FSTL5: variants seen among roughly 807,000 people sequenced by gnomAD.
FSTL5 encodes the protein follistatin like 5, also known as follistatin-related protein 5.
A neutral mutation model predicts 89.1 loss-of-function variants in FSTL5; 62 were observed. That is an observed-to-expected ratio of 0.70 (90% CI 0.57 to 0.86). FSTL5 has a LOEUF of 0.86. Among genes scored for constraint, FSTL5 ranks in the 40% least tolerant of loss-of-function variants. FSTL5 has a pLI of 0.00. For missense variants in FSTL5, 1,057 were observed against 1,001.6 expected (o/e 1.06, Z -0.75); for synonymous variants, 383 against 346.2 (o/e 1.11, Z -1.18).
At chr4:161,389,720 G>A (rs1444276502) in intron 15 of FSTL5, among the ~76,000 whole-genome samples, 1 of 152,084 alleles carries the variant, frequency 6.6e-6, no homozygotes, top group East Asian at 1.9e-4. Flanking sequence ...ACCTTGCTCT[G>A]AGGATGACAG....
intron 6 of FSTL5, among the ~76,000 whole-genome samples, chr4:161,714,846 T>G (rs1031317474): frequency 6.6e-6 from 1 of 152,154 alleles, no homozygotes; most frequent in Admixed American, 6.5e-5. Flanking sequence ...CATAAAAGCC[T>G]GGGGTTATTT....
intron 8 of FSTL5, among the ~76,000 whole-genome samples, chr4:161,547,349 A>G (rs1732042259): frequency 6.6e-6 from 1 of 151,926 alleles, no homozygotes; most frequent in South Asian, 2.1e-4. Flanking sequence ...TGATTTTCCT[A>G]TTATCTCAAA....
At chr4:162,069,033 G>T (rs1330989648) in intron 2 of FSTL5, among the ~76,000 whole-genome samples, 1 of 152,008 alleles carries the variant, frequency 6.6e-6, no homozygotes, top group Non-Finnish European at 1.5e-5. Flanking sequence ...TTATTAAAAG[G>T]TCAAGAAACA....
intron 2 of FSTL5, among the ~76,000 whole-genome samples, chr4:162,076,388 A>G (rs1235370177): frequency 1.3e-5 from 2 of 151,898 alleles, no homozygotes; most frequent in Non-Finnish European, 2.9e-5. Flanking sequence ...TACTATTTAC[A>G]TCTGGGGTAG....
chr4:161,461,231 C>T (rs1733560988), intron 13 of FSTL5, among the ~76,000 whole-genome samples: 1 of 145,000 alleles, frequency 6.9e-6, no homozygotes, highest in Non-Finnish European at 1.5e-5. Context: ...CTGAGGCAGG[C>T]GGATCAGGAG....
At chr4:161,646,877 T>C (rs1484327646) in intron 7 of FSTL5, among the ~76,000 whole-genome samples, 2 of 152,180 alleles carry the variant, frequency 1.3e-5, no homozygotes, top group African/African-American at 4.8e-5. Flanking sequence ...AATTGAGTTG[T>C]ATGAGTTCTT....
intron 4 of FSTL5, among the ~76,000 whole-genome samples, chr4:161,882,667 C>T (rs947060769): frequency 6.6e-6 from 1 of 151,978 alleles, no homozygotes; most frequent in Non-Finnish European, 1.5e-5. Flanking sequence ...GAGTATGTTC[C>T]ATTTAAATGG....
intron 2 of FSTL5, among the ~76,000 whole-genome samples, chr4:162,059,541 T>C (rs1009808777): frequency 2.6e-5 from 4 of 152,168 alleles, no homozygotes; most frequent in Non-Finnish European, 5.9e-5. Flanking sequence ...CTATGTAATA[T>C]CATCAGTATC....
At chr4:161,993,721 A>C (rs1394763823) in intron 3 of FSTL5, among the ~76,000 whole-genome samples, 4 of 152,132 alleles carry the variant, frequency 2.6e-5, no homozygotes, top group African/African-American at 9.6e-5. Context: ...TGTTGTGTAG[A>C]TTTGGGGGAG....
chr4:161,939,836 C>T (rs185054221), intron 3 of FSTL5, among the ~76,000 whole-genome samples: 6 of 151,976 alleles, frequency 3.9e-5, no homozygotes, highest in African/African-American at 1.2e-4. Flanking sequence ...GCCTATCTTA[C>T]CACGGAAACA....
At chr4:161,796,986 C>T (rs1346861036) in intron 4 of FSTL5, among the ~76,000 whole-genome samples, 1 of 151,524 alleles carries the variant, frequency 6.6e-6, no homozygotes, top group African/African-American at 2.4e-5. Flanking sequence ...TCTTTTATAC[C>T]TCATCTGATT....
At chr4:161,650,818 C>T (rs112202995) in intron 7 of FSTL5, among the ~76,000 whole-genome samples, 245 of 152,238 alleles carry the variant, frequency 1.6e-3, no homozygotes, top group African/African-American at 5.7e-3. Context: ...ATATAAGTTA[C>T]TGAACGGTGA....
chr4:161,769,019 A>G (rs1741114663), intron 5 of FSTL5, among the ~76,000 whole-genome samples: 1 of 151,976 alleles, frequency 6.6e-6, no homozygotes, highest in African/African-American at 2.4e-5. Flanking sequence ...ATTAAAACTG[A>G]TACTACAGAA....
chr4:161,909,475 T>A (rs1309409421), intron 4 of FSTL5, among the ~76,000 whole-genome samples: 2 of 152,248 alleles, frequency 1.3e-5, no homozygotes, highest in Admixed American at 1.3e-4. Context: ...AACAGCAGTA[T>A]CATACTCCCT....
intron 2 of FSTL5, among the ~76,000 whole-genome samples, chr4:162,058,242 T>C (rs1252669315): frequency 6.6e-6 from 1 of 151,986 alleles, no homozygotes; most frequent in Non-Finnish European, 1.5e-5. Flanking sequence ...CAAATTCAAT[T>C]TCTAAGAGTT....
At chr4:161,632,259 A>T (rs996534924) in intron 7 of FSTL5, among the ~76,000 whole-genome samples, 1 of 152,136 alleles carries the variant, frequency 6.6e-6, no homozygotes, top group African/African-American at 2.4e-5. Context: ...GGGCACCTGT[A>T]ATCCCATCTA....
chr4:161,677,373 C>T (rs925326932), intron 6 of FSTL5, among the ~76,000 whole-genome samples: 1 of 151,854 alleles, frequency 6.6e-6, no homozygotes, highest in African/African-American at 2.4e-5. Context: ...AGCATGGCAT[C>T]TCAGGGAAAA....
At chr4:161,990,774 T>C (rs1468975544) in intron 3 of FSTL5, among the ~76,000 whole-genome samples, 1 of 152,162 alleles carries the variant, frequency 6.6e-6, no homozygotes, top group Non-Finnish European at 1.5e-5. Context: ...AATAACTTTA[T>C]CTAGAAATAG....
chr4:161,670,789 T>G (rs1737073659), intron 6 of FSTL5, among the ~76,000 whole-genome samples: 1 of 152,288 alleles, frequency 6.6e-6, no homozygotes, highest in South Asian at 2.1e-4. Flanking sequence ...GACTGGGCCT[T>G]AACTATGCAA....
Sources: allele counts gnomAD v4.1 joint callset (sites outside exome capture counted in the v4.1 genomes callset), GRCh38; gene constraint gnomAD v4.1.1; transcripts MANE v1.5; gene names NCBI Gene and HGNC (gene_info 2026-07-23, HGNC 2026-07-21).